The following EFCAB5 variants were observed in gnomAD, a reference collection of about 807,000 sequenced individuals.
The protein encoded by EFCAB5 is EF-hand calcium binding domain 5.
A neutral mutation model predicts 167.9 loss-of-function variants in EFCAB5; 131 were observed. The ratio of observed to expected loss-of-function variants is 0.78; its 90% CI spans 0.68 to 0.90. The LOEUF is 0.90. Among genes scored for constraint, EFCAB5 ranks in the 40% least tolerant of loss-of-function variants. The pLI is 0.00. For missense variants in EFCAB5, 1,663 were observed against 1,745.2 expected, an observed-to-expected ratio of 0.95 and a Z score of 0.84; for synonymous variants, 574 against 602.8, an observed-to-expected ratio of 0.95 and a Z score of 0.70.
At chr17:30,067,339 G>A (rs2070600282) in intron 14 of EFCAB5, among the ~76,000 whole-genome samples, 1 of 152,148 alleles carries the variant, frequency 6.6e-6, no homozygotes, top group African/African-American at 2.4e-5. Flanking sequence ...GAAAGGCTGG[G>A]TGTGGCGGCC....
At chr17:29,999,764 C>A in intron 6 of EFCAB5, 142 bp from the exon 7 acceptor site, 1 of 510,990 alleles carries the variant, frequency 2.0e-6, no homozygotes, top group Non-Finnish European at 3.2e-6. Context: ...TGTTACCCAA[C>A]TATATGTAAT....
chr17:29,957,523 C>T (rs2067641476), intron 3 of EFCAB5, among the ~76,000 whole-genome samples: 2 of 152,218 alleles, frequency 1.3e-5, no homozygotes, highest in South Asian at 4.2e-4. Flanking sequence ...TGTTCCCCTC[C>T]CTGTGTCCAT....
Position 30,080,814 on chromosome 17 carries a change from ATCT to A in EFCAB5, c.3266_3268del (p.Phe1089del), listed in dbSNP as rs1160128978. 5 of 1,613,326 alleles carry A rather than the reference ATCT, an allele frequency of 3.1e-6. No individual in the cohort carries two copies. The highest frequency in any genetic ancestry group is 4.5e-5 in the East Asian group (2 of 44,886). ...TCCCCAAGTTCAGTACCATGGGAAC[ATCT>A]TCTTCTGGAACCAGTCCCGTAATAA... On this transcript the variant is annotated inframe_deletion, in exon 17 of 23. Transcript: ENST00000394835.
chr17:30,033,807 A>C (rs1360901244), intron 7 of EFCAB5, among the ~76,000 whole-genome samples: 2 of 152,168 alleles, frequency 1.3e-5, no homozygotes, highest in Non-Finnish European at 2.9e-5. Flanking sequence ...TGTCGCTTAC[A>C]CTCCAGTAAT....
intron 17 of EFCAB5, 94 bp from the exon 18 acceptor site, chr17:30,082,797 A>G: frequency 7.8e-7 from 1 of 1,284,314 alleles, no homozygotes; most frequent in East Asian, 2.7e-5. Context: ...TCATGAAGTA[A>G]TTAAATTACT....
intron 20 of EFCAB5, among the ~76,000 whole-genome samples, chr17:30,091,317 G>A (rs2071191766): frequency 6.6e-6 from 1 of 152,212 alleles, no homozygotes; most frequent in Admixed American, 6.5e-5. Context: ...GAGGAAGAAG[G>A]CCTGGAAACC....
At chr17:29,930,279 GGC>G (rs1166927209) in intron 1 of EFCAB5, 1 of 489,868 alleles carries the variant, frequency 2.0e-6, no homozygotes, top group East Asian at 3.6e-5. Context: ...CTCTCCCCTC[GGC>G]GCGCGCCGCC....
chr17:30,007,568 G>T (rs1272865955), intron 7 of EFCAB5, among the ~76,000 whole-genome samples: 1 of 152,192 alleles, frequency 6.6e-6, no homozygotes, highest in African/African-American at 2.4e-5. Flanking sequence ...CTCTGACCAT[G>T]TCAGTTTAAA....
chr17:30,068,533 A>G (rs1247612342), intron 14 of EFCAB5: 1 of 656,366 alleles, frequency 1.5e-6, no homozygotes. Context: ...ATGTTCATGG[A>G]TTGGAAGAAT....
In EFCAB5 at chr17:30,034,253, C is replaced by T. The variant is rs1292041361; in HGVS notation, c.1068C>T (p.Asp356=). 9 of 1,613,794 alleles carry T rather than the reference C, an allele frequency of 5.6e-6. No homozygotes were observed. In the Admixed American group the frequency reaches 1.5e-4, roughly 27 times the overall value. The part of the protein sequence containing the change: ...FTEYISSHIK[D]LKSEMFEELL... Reference sequence around the variant, plus strand: ...AGTACATCTCTTCACATATTAAAGACTTGAAGAGTGAAATGTTTGAGGAAC... The same window carrying T: ...AGTACATCTCTTCACATATTAAAGATTTGAAGAGTGAAATGTTTGAGGAAC... Residue 356 remains aspartate, a synonymous_variant, in exon 8 of 23, where the codon GAC becomes GAT. Transcript: ENST00000394835.
intron 4 of EFCAB5, among the ~76,000 whole-genome samples, chr17:29,972,100 T>A (rs2067966343): frequency 6.6e-6 from 1 of 151,842 alleles, no homozygotes; most frequent in African/African-American, 2.4e-5. Flanking sequence ...TGCAGTGGCG[T>A]GATCTCGGCT....
chr17:30,032,953 T>A (rs2069516463), intron 7 of EFCAB5, among the ~76,000 whole-genome samples: 1 of 152,188 alleles, frequency 6.6e-6, no homozygotes, highest in South Asian at 2.1e-4. Context: ...GGAGAGAATC[T>A]GAATGGCCTT....
chr17:30,067,540 A>T lies in EFCAB5; in HGVS notation c.2737+7839A>T, dbSNP rs187972763. Among the ~76,000 whole-genome samples the T allele has an allele frequency of 2.5e-4, 38 of 152,078 alleles. No homozygotes were observed. In the Middle Eastern group the frequency reaches 0.01, roughly 42 times the overall value. On this transcript the variant is annotated intron_variant, in intron 14 of 22. Transcript: ENST00000394835. ...CCCAATAATGCAAAGATGATTTAAC[A>T]TAAAATAACCATGATACATCCCATC...
At chr17:30,077,860 T>C (rs2070900119) in intron 14 of EFCAB5, among the ~76,000 whole-genome samples, 1 of 152,164 alleles carries the variant, frequency 6.6e-6, no homozygotes, top group Non-Finnish European at 1.5e-5. Context: ...TATGAAAGTA[T>C]GAAAGGAGAG....
intron 18 of EFCAB5, among the ~76,000 whole-genome samples, chr17:30,085,516 C>T (rs554866947): frequency 7.9e-5 from 12 of 152,084 alleles, no homozygotes; most frequent in African/African-American, 2.4e-4. Context: ...GTCAGGAGAT[C>T]GAGACCATCC....
chr17:29,992,840 T>A (rs906924537), intron 4 of EFCAB5, among the ~76,000 whole-genome samples: 3 of 152,196 alleles, frequency 2.0e-5, no homozygotes, highest in African/African-American at 7.2e-5. Flanking sequence ...AGTAATTCTG[T>A]TTTTAGTTTT....
chr17:30,028,701 AAAC>A (rs2069397487), intron 7 of EFCAB5, among the ~76,000 whole-genome samples: 1 of 152,212 alleles, frequency 6.6e-6, no homozygotes, highest in Non-Finnish European at 1.5e-5. Flanking sequence ...TGAGAGGTTT[AAAC>A]AACCGAAATT....
intron 21 of EFCAB5, 100 bp downstream of exon 21, chr17:30,092,257 A>C (rs1348862897): frequency 7.9e-7 from 1 of 1,267,122 alleles, no homozygotes; most frequent in African/African-American, 1.5e-5. Context: ...GTACAAATGC[A>C]AGAATTTTTA....
At chr17:29,988,168 A>T (rs1009562473) in intron 4 of EFCAB5, among the ~76,000 whole-genome samples, 1 of 152,206 alleles carries the variant, frequency 6.6e-6, no homozygotes, top group African/African-American at 2.4e-5. Flanking sequence ...CAACTAGGTG[A>T]TCAGCCATTT....
Sources: allele counts gnomAD v4.1 joint callset (sites outside exome capture counted in the v4.1 genomes callset), GRCh38; gene constraint gnomAD v4.1.1; transcripts MANE v1.5; gene names NCBI Gene and HGNC (gene_info 2026-07-23, HGNC 2026-07-21).